PARP1: variants seen among roughly 807,000 people sequenced by gnomAD.
PARP1 encodes the protein poly(ADP-ribose) polymerase 1.
Under a neutral mutation model 118.7 loss-of-function variants are expected in PARP1, and 44 were observed. The ratio of observed to expected loss-of-function variants is 0.37; its 90% confidence interval spans 0.29 to 0.48. PARP1 has a LOEUF of 0.48. PARP1 is among the 20% of genes least tolerant of loss of function. PARP1 has a pLI of 0.99. For synonymous variants in PARP1, 492 were observed against 483.2 expected, an observed-to-expected ratio of 1.02 and a Z score of -0.24; for missense variants, 1,100 against 1,272.4, an observed-to-expected ratio of 0.86 and a Z score of 2.06.
At chr1:226,407,428 C>A (rs1442927498) in intron 1 of PARP1, among the ~76,000 whole-genome samples, 4 of 150,846 alleles carry the variant, frequency 2.7e-5, no homozygotes, top group Non-Finnish European at 4.4e-5. Context: ...GAACAAAAAC[C>A]CTCCAGAACA....
At chr1:226,367,275 G>A in intron 17 of PARP1, 1 of 620,994 alleles carries the variant, frequency 1.6e-6, no homozygotes, top group Non-Finnish European at 2.9e-6. Flanking sequence ...CAAACAAGGT[G>A]CATTATCTAC....
At chr1:226,362,502 A>G (rs1181130709) in intron 21 of PARP1, among the ~76,000 whole-genome samples, 3 of 152,172 alleles carry the variant, frequency 2.0e-5, no homozygotes, top group African/African-American at 7.2e-5. Flanking sequence ...AAGGCAATAA[A>G]CCAAAGTTCC....
chr1:226,394,726 G>A lies in PARP1; in HGVS notation c.287-2412C>T, dbSNP rs532098815. The stretch of plus-strand genomic sequence containing the variant: ...AGGCCAAGGCTGGAGTGTAGGCTGT[G>A]ATCGTTCCACTGCACTCCAGCCTGG... On this transcript the variant is annotated intron_variant, in intron 2 of 22. Transcript: ENST00000366794. Among the ~76,000 whole-genome samples, 5 of 152,180 alleles carry A rather than the reference G, an allele frequency of 3.3e-5. No individual in the cohort carries two copies. The South Asian group carries it at 1.0e-3, about 32-fold the overall frequency.
chr1:226,363,647 G>A (rs1281652862), intron 20 of PARP1, among the ~76,000 whole-genome samples: 1 of 152,188 alleles, frequency 6.6e-6, no homozygotes, highest in Non-Finnish European at 1.5e-5. Context: ...GGCGGCCTGG[G>A]GGATCATCCT....
In PARP1 at chr1:226,383,072, A is replaced by G; in HGVS notation, c.1123T>C (p.Ser375Pro). The change falls in exon 8 of 23, where the codon TCG (serine) becomes CCG (proline). Residue 375 changes from serine to proline, a missense_variant. Physicochemically the swap from Ser to Pro is moderately conservative, Grantham distance 74. Coordinates refer to ENST00000366794, the MANE Select transcript of PARP1 (RefSeq NM_001618.4). ...GAGGAGTTCACAGCAGCAGGAGCCG[A>G]GGCTGTGGAGGGCGGAGGCGTGGCC... ...VAATPPPSTA[S>P]APAAVNSSAS... The G allele has an allele frequency of 6.2e-7, 1 of 1,612,980 alleles. No individual in the cohort carries two copies. The highest frequency in any genetic ancestry group is 1.1e-5 in the South Asian group (1 of 91,026).
chr1:226,406,201 C>T (rs992710995), intron 1 of PARP1, among the ~76,000 whole-genome samples: 1 of 151,980 alleles, frequency 6.6e-6, no homozygotes, highest in African/African-American at 2.4e-5. Flanking sequence ...TGCTAATATG[C>T]CTTTGCTTTG....
chr1:226,407,682 A>G, intron 1 of PARP1, 128 bp downstream of exon 1: 1 of 898,522 alleles, frequency 1.1e-6, no homozygotes, highest in Non-Finnish European at 1.5e-6. Context: ...GCGGCCCCAT[A>G]GGCCCCAAGT....
intron 3 of PARP1, 87 bp from the exon 4 acceptor site, chr1:226,390,711 G>C (rs1324168281): frequency 7.9e-7 from 1 of 1,270,256 alleles, no homozygotes; most frequent in Non-Finnish European, 1.1e-6. Flanking sequence ...CAGCCAGTGA[G>C]GAGCTGAGGG....
chr1:226,366,532 C>A, intron 17 of PARP1: 1 of 173,940 alleles, frequency 5.7e-6, no homozygotes, highest in Non-Finnish European at 1.2e-5. Context: ...GCTCAGTAAG[C>A]CTGAGTATTA....
At chr1:226,380,440 G>A (rs1043444747) in intron 9 of PARP1, among the ~76,000 whole-genome samples, 4 of 152,142 alleles carry the variant, frequency 2.6e-5, no homozygotes, top group African/African-American at 9.7e-5. Flanking sequence ...ATATGTATGG[G>A]AAATCCTGTA....
chr1:226,398,550 G>A (rs1173003435), intron 2 of PARP1, among the ~76,000 whole-genome samples: 3 of 150,772 alleles, frequency 2.0e-5, no homozygotes, highest in African/African-American at 7.3e-5. Context: ...AAAAAGTGGG[G>A]GTAGGGGCAG....
At chr1:226,385,456 G>A (rs770664821) in intron 7 of PARP1, 48 bp downstream of exon 7, 1 of 1,557,050 alleles carries the variant, frequency 6.4e-7, no homozygotes, top group Non-Finnish European at 8.9e-7. Flanking sequence ...AGAAAGTGGG[G>A]CCAGGTTTTT....
In PARP1 at chr1:226,380,015, C is replaced by T. The variant is rs781134011; in HGVS notation, c.1450G>A (p.Glu484Lys). 2 of 1,614,222 alleles carry T rather than the reference C, an allele frequency of 1.2e-6. No homozygotes were observed. Among genetic ancestry groups the T allele is most frequent in the Admixed American group, 3.3e-5 (2 of 60,034 alleles). ...ACTTCAACAGGCTCTGCCTTCACCT[C>T]TGCCCCCCAAGGGGACAAGATGTGC... Reference protein sequence around the residue: ...LAHILSPWGAEVKAEPVEVVA... With the variant: ...LAHILSPWGAKVKAEPVEVVA... The change falls in exon 10 of 23, where the codon GAG (glutamate) becomes AAG (lysine). Residue 484 changes from glutamate to lysine, a missense_variant. Around this residue, in one of 2 missense-constraint regions of PARP1, gnomAD observed 948 missense variants for 1,031.8 expected, o/e 0.92. Coordinates refer to ENST00000366794, the MANE Select transcript of PARP1 (RefSeq NM_001618.4).
At chr1:226,387,510 T>C (rs751231389) in intron 5 of PARP1, among the ~76,000 whole-genome samples, 2 of 152,154 alleles carry the variant, frequency 1.3e-5, no homozygotes, top group Non-Finnish European at 2.9e-5. Context: ...CTGGCAAAGG[T>C]ACAGGCACAC....
chr1:226,380,298 A>C (rs2102735806), intron 9 of PARP1, 134 bp from the exon 10 acceptor site: 1 of 892,914 alleles, frequency 1.1e-6, no homozygotes, highest in Non-Finnish European at 1.8e-6. Flanking sequence ...TCCAAGTCTA[A>C]TGCTCCCAAG....
At chr1:226,380,928 C>A in intron 9 of PARP1, 140 bp downstream of exon 9, 1 of 943,418 alleles carries the variant, frequency 1.1e-6, no homozygotes, top group East Asian at 2.5e-5. Context: ...TACTGGTTTC[C>A]CTTCATAAAG....
In PARP1 at chr1:226,383,164, T is replaced by TA. The variant is rs1256159680; in HGVS notation, c.1030dup (p.Tyr344LeufsTer8). On this transcript the variant is annotated frameshift_variant, in exon 8 of 23. Transcript: ENST00000366794. LOFTEE classifies it high-confidence loss of function. Reference sequence around the variant, plus strand: ...TTTTTTAACCTTCAATTTCTTGAGGTAAGAGATTTCTCGGAATTCCTAAAA... The same window carrying TA: ...TTTTTTAACCTTCAATTTCTTGAGGTAAAGAGATTTCTCGGAATTCCTAAAA... 1 of 1,613,076 alleles carries TA rather than the reference T, an allele frequency of 6.2e-7. No homozygotes were observed.
At chr1:226,368,430 T>C in intron 15 of PARP1, 109 bp from the exon 16 acceptor site, 1 of 1,410,342 alleles carries the variant, frequency 7.1e-7, no homozygotes, top group Non-Finnish European at 9.9e-7. Flanking sequence ...AGAAGTAGCG[T>C]GGTATGTGCA....
At chr1:226,376,155 CT>C (rs1015841088) in intron 13 of PARP1, among the ~76,000 whole-genome samples, 2 of 152,034 alleles carry the variant, frequency 1.3e-5, no homozygotes, top group African/African-American at 4.8e-5. Flanking sequence ...AGAATTCCCC[CT>C]ACGAGACATG....
Sources: gnomAD v4.1 joint callset for allele counts (sites outside exome capture counted in the v4.1 genomes callset) on GRCh38, gnomAD v4.1.1 for gene constraint, gnomAD v4.1.1 regional missense constraint, MANE v1.5 for transcripts, NCBI Gene and HGNC (gene_info 2026-07-23, HGNC 2026-07-21) for gene names.